IL1RAPL2: variants seen among roughly 807,000 people sequenced by gnomAD.
The protein encoded by IL1RAPL2 is X-linked interleukin-1 receptor accessory protein-like 2.
In IL1RAPL2, 3 loss-of-function variants were observed where a neutral mutation model predicts 44.1. That is an observed-to-expected ratio of 0.07 (90% CI 0.03 to 0.18). IL1RAPL2 has a LOEUF of 0.18. Ranked by LOEUF, IL1RAPL2 falls within the 10% of genes least tolerant of loss-of-function variation. The pLI is 1.00. For missense variants in IL1RAPL2, 391 were observed against 496.4 expected, an observed-to-expected ratio of 0.79 and a Z score of 2.02; for synonymous variants, 181 against 178.8, an observed-to-expected ratio of 1.01 and a Z score of -0.10.
In IL1RAPL2 at chrX:105,593,179, C is replaced by T. The variant is rs748752250; in HGVS notation, c.772+108792C>T. On this transcript the variant is annotated intron_variant, in intron 6 of 10. Transcript: ENST00000372582. ...TTCTGACCGAGTTGATTCGAAGAAC[C>T]AGTCTTTGAGCTCTGAGATTCTTTC... Among the ~76,000 whole-genome samples the T allele has an allele frequency of 5.5e-4, 61 of 111,502 alleles. 1 individual carries two copies. Among genetic ancestry groups the T allele is most frequent in the African/African-American group, 1.9e-3 (59 of 30,772 alleles).
intron 6 of IL1RAPL2, among the ~76,000 whole-genome samples, chrX:105,695,056 G>A (rs929844739): frequency 5.4e-5 from 6 of 111,580 alleles, no homozygotes; most frequent in African/African-American, 2.0e-4. Context: ...ATTATATCAT[G>A]TAGCTAGTTT....
intron 2 of IL1RAPL2, among the ~76,000 whole-genome samples, chrX:104,707,342 A>G (rs906351607): frequency 9.0e-6 from 1 of 111,706 alleles, no homozygotes; most frequent in Non-Finnish European, 1.9e-5. Context: ...TTAGGCCCTG[A>G]TGGGATAGTT....
chrX:105,369,115 T>C (rs998611934), intron 5 of IL1RAPL2, among the ~76,000 whole-genome samples: 1 of 110,822 alleles, frequency 9.0e-6, no homozygotes, highest in Non-Finnish European at 1.9e-5. Context: ...ATGATGATCC[T>C]TTTGATTTTC....
Position 104,736,657 on chromosome X carries a change from TA to T in IL1RAPL2, c.82+77667del, listed in dbSNP as rs760027404. Among the ~76,000 whole-genome samples the T allele has an allele frequency of 9.7e-4, 109 of 112,247 alleles. 1 individual carries two copies. Among genetic ancestry groups the T allele is most frequent in the Non-Finnish European group, 1.8e-3 (94 of 53,227 alleles). On this transcript the variant is annotated intron_variant, in intron 2 of 10. Coordinates refer to ENST00000372582, the MANE Select transcript of IL1RAPL2 (RefSeq NM_017416.2). ...CAAACATGACTTCTTAAAGCAATTT[TA>T]AAAAGTAGCCTCTTGTCCTCCAAGG...
chrX:105,036,542 C>CTAAAA (rs60965821), intron 2 of IL1RAPL2, among the ~76,000 whole-genome samples: 7,254 of 111,112 alleles, frequency 0.065, 681 homozygotes, highest in African/African-American at 0.23. Context: ...GGACCATTTA[C>CTAAAA]TAAAATAAAA....
chrX:105,353,539 C>A (rs1312658808), intron 5 of IL1RAPL2, among the ~76,000 whole-genome samples: 3 of 111,716 alleles, frequency 2.7e-5, no homozygotes, highest in Non-Finnish European at 1.9e-5. Flanking sequence ...GCCATTTTCA[C>A]GATATTGCTT....
chrX:105,034,891 C>G (rs2031594253), intron 2 of IL1RAPL2, among the ~76,000 whole-genome samples: 2 of 110,249 alleles, frequency 1.8e-5, no homozygotes, highest in South Asian at 4.0e-4. Flanking sequence ...GGGCTCCACC[C>G]AGTTCGAGCT....
chrX:105,124,392 T>C (rs1323092268), intron 2 of IL1RAPL2, among the ~76,000 whole-genome samples: 3 of 111,080 alleles, frequency 2.7e-5, no homozygotes, highest in Admixed American at 9.6e-5. Context: ...AGCCCATCCA[T>C]ATACCTCAGA....
intron 2 of IL1RAPL2, among the ~76,000 whole-genome samples, chrX:104,783,045 T>C (rs1040851363): frequency 1.8e-5 from 2 of 111,989 alleles, no homozygotes; most frequent in Admixed American, 1.9e-4. Flanking sequence ...CTCCACAGTT[T>C]GGTGCAAGTG....
chrX:105,634,962 A>G (rs1368563164), intron 6 of IL1RAPL2, among the ~76,000 whole-genome samples: 4 of 111,816 alleles, frequency 3.6e-5, no homozygotes, highest in African/African-American at 1.3e-4. Context: ...TCACACAGCT[A>G]GAAAGTAGTG....
At chrX:105,760,590 C>T (rs1602559856) in intron 10 of IL1RAPL2, among the ~76,000 whole-genome samples, 1 of 112,239 alleles carries the variant, frequency 8.9e-6, no homozygotes, top group East Asian at 2.8e-4. Context: ...CACCGTCATG[C>T]TTCCCCACTC....
intron 2 of IL1RAPL2, among the ~76,000 whole-genome samples, chrX:104,891,671 T>C (rs1478281551): frequency 2.7e-5 from 3 of 112,399 alleles, no homozygotes; most frequent in African/African-American, 9.7e-5. Context: ...CTGAAGTTGC[T>C]TATCAGCTTA....
chrX:105,052,867 C>T (rs1316279264), intron 2 of IL1RAPL2, among the ~76,000 whole-genome samples: 5 of 110,784 alleles, frequency 4.5e-5, no homozygotes, highest in Non-Finnish European at 1.9e-5. Flanking sequence ...CTAATGCTTT[C>T]GCTCCACTTG....
intron 6 of IL1RAPL2, among the ~76,000 whole-genome samples, chrX:105,593,703 C>T (rs1226712929): frequency 9.0e-6 from 1 of 111,005 alleles, no homozygotes; most frequent in Admixed American, 9.6e-5. Flanking sequence ...CAACTCATCA[C>T]TCCTGGGCTA....
At chrX:105,127,044 C>T (rs766743049) in intron 2 of IL1RAPL2, among the ~76,000 whole-genome samples, 38 of 111,278 alleles carry the variant, frequency 3.4e-4, no homozygotes, top group Non-Finnish European at 5.3e-4. Flanking sequence ...AAAGCTTCAT[C>T]TTTGCTTCCT....
chrX:105,558,407 T>C (rs1368360911), intron 6 of IL1RAPL2, among the ~76,000 whole-genome samples: 1 of 111,741 alleles, frequency 8.9e-6, no homozygotes, highest in Non-Finnish European at 1.9e-5. Context: ...CAATCTTCTT[T>C]TCCTACTATC....
intron 5 of IL1RAPL2, among the ~76,000 whole-genome samples, chrX:105,447,761 TAAATATATATAAATATATTAA>T (rs1197401678): frequency 3.5e-5 from 3 of 86,016 alleles, no homozygotes; most frequent in Non-Finnish European, 4.1e-5. Flanking sequence ...TATAAATATG[TAAATATATATAAATATATTAA>T]AAATATATAT....
At chrX:105,027,338 A>G (rs1453782566) in intron 2 of IL1RAPL2, among the ~76,000 whole-genome samples, 1 of 111,653 alleles carries the variant, frequency 9.0e-6, no homozygotes, top group African/African-American at 3.2e-5. Flanking sequence ...ACATCAAGTT[A>G]AAAAGCTTCT....
chrX:105,478,799 AAAG>A (rs1220812781), intron 5 of IL1RAPL2, among the ~76,000 whole-genome samples: 1 of 111,817 alleles, frequency 8.9e-6, no homozygotes, highest in Non-Finnish European at 1.9e-5. Context: ...TTTTTTAGAG[AAAG>A]AATACCACCG....
Sources: gnomAD v4.1 joint callset for allele counts (sites outside exome capture counted in the v4.1 genomes callset) on GRCh38, gnomAD v4.1.1 for gene constraint, MANE v1.5 for transcripts, NCBI Gene and HGNC (gene_info 2026-07-23, HGNC 2026-07-21) for gene names.